SPATA13: variants seen among roughly 807,000 people sequenced by gnomAD.
SPATA13 encodes spermatogenesis associated 13.
In SPATA13, 50 loss-of-function variants were observed where a neutral mutation model predicts 104.0. The observed-to-expected ratio is 0.48, with a 90% CI of 0.38 to 0.61. SPATA13 has a LOEUF of 0.61. Among genes scored for constraint, SPATA13 ranks in the 20% least tolerant of loss-of-function variants. The pLI, the probability that SPATA13 is intolerant of heterozygous loss-of-function variation, is 0.00. For missense variants in SPATA13, 1,524 were observed against 1,690.6 expected (o/e 0.90, Z 1.73); for synonymous variants, 606 against 667.5 (o/e 0.91, Z 1.42).
At chr13:24,235,627 C>T (rs1443130468) in intron 2 of SPATA13, among the ~76,000 whole-genome samples, 1 of 152,094 alleles carries the variant, frequency 6.6e-6, no homozygotes, top group Non-Finnish European at 1.5e-5. Context: ...TGTGGTGGTG[C>T]AAGCCTGTGG....
chr13:24,119,647 T>C (rs1424845503), intron 3 of SPATA13, among the ~76,000 whole-genome samples: 3 of 152,176 alleles, frequency 2.0e-5, no homozygotes, highest in Admixed American at 6.5e-5. Flanking sequence ...GCAGAGCCCC[T>C]TTGCAAGCTT....
At chr13:24,146,941 T>C (rs1024520594) in intron 3 of SPATA13, among the ~76,000 whole-genome samples, 5 of 152,062 alleles carry the variant, frequency 3.3e-5, no homozygotes, top group Non-Finnish European at 5.9e-5. Flanking sequence ...GATTTTTTTT[T>C]CCTAGAAAAA....
chr13:24,173,217 A>G (rs757943705), intron 1 of SPATA13, among the ~76,000 whole-genome samples: 1 of 152,160 alleles, frequency 6.6e-6, no homozygotes, highest in Non-Finnish European at 1.5e-5. Context: ...AGCTGGGACT[A>G]TAGGCATGTG....
intron 9 of SPATA13, among the ~76,000 whole-genome samples, chr13:24,292,995 CAAAAAAAA>C (rs34221097): frequency 4.2e-5 from 1 of 23,930 alleles, no homozygotes; most frequent in African/African-American, 2.0e-4. Flanking sequence ...GACTTTGTCT[CAAAAAAAA>C]AAAAAAAAAA....
chr13:23,996,245 G>T (rs4770541), intron 2 of SPATA13, among the ~76,000 whole-genome samples: 5,737 of 152,154 alleles, frequency 0.038, 164 homozygotes, highest in Non-Finnish European at 0.059. Flanking sequence ...AGAGTCCGCC[G>T]CCTTGCCTTT....
At chr13:24,008,333 A>C (rs1269326997) in intron 2 of SPATA13, among the ~76,000 whole-genome samples, 1 of 152,222 alleles carries the variant, frequency 6.6e-6, no homozygotes, top group African/African-American at 2.4e-5. Context: ...TCAGAGAAAG[A>C]GAACACCTGC....
intron 3 of SPATA13, among the ~76,000 whole-genome samples, chr13:24,042,714 T>C (rs1458477260): frequency 6.6e-6 from 1 of 152,216 alleles, no homozygotes; most frequent in Admixed American, 6.5e-5. Flanking sequence ...TTGGGAGAGC[T>C]TGATAAAGAC....
At chr13:24,144,735 T>A (rs1881876620) in intron 3 of SPATA13, among the ~76,000 whole-genome samples, 1 of 152,054 alleles carries the variant, frequency 6.6e-6, no homozygotes, top group Admixed American at 6.5e-5. Context: ...GTTGGTGTTT[T>A]CTTGACCAGG....
intron 1 of SPATA13, among the ~76,000 whole-genome samples, chr13:24,221,597 G>A (rs12860170): frequency 0.28 from 43,148 of 151,690 alleles, 6,499 homozygotes; most frequent in East Asian, 0.5. Context: ...GGGAAGGGAT[G>A]GACACAGGTG....
At chr13:24,111,000 T>C (rs1034425833) in intron 3 of SPATA13, among the ~76,000 whole-genome samples, 3 of 152,152 alleles carry the variant, frequency 2.0e-5, no homozygotes, top group Non-Finnish European at 4.4e-5. Context: ...CTCGAACTCC[T>C]GAACTCCAGT....
chr13:23,993,233 G>A (rs2810700), intron 2 of SPATA13, among the ~76,000 whole-genome samples: 55,959 of 152,152 alleles, frequency 0.37, 10,638 homozygotes, highest in Middle Eastern at 0.48. Flanking sequence ...CAGAATCACA[G>A]CTGCTGCCTC....
intron 1 of SPATA13, among the ~76,000 whole-genome samples, chr13:24,169,275 A>G (rs141190231): frequency 3.0e-4 from 45 of 152,278 alleles, no homozygotes; most frequent in East Asian, 2.3e-3. Flanking sequence ...TTGTTATACC[A>G]GGCTGATGTG....
chr13:24,078,011 C>T (rs1327371834), intron 3 of SPATA13, among the ~76,000 whole-genome samples: 2 of 152,058 alleles, frequency 1.3e-5, no homozygotes, highest in Non-Finnish European at 2.9e-5. Flanking sequence ...TCTTGCTCAC[C>T]CCACACTAAC....
At chr13:24,197,593 T>C (rs1870136234) in intron 1 of SPATA13, among the ~76,000 whole-genome samples, 1 of 152,122 alleles carries the variant, frequency 6.6e-6, no homozygotes, top group Admixed American at 6.5e-5. Context: ...GCATCTCTAA[T>C]GAGAAAAAAA....
intron 3 of SPATA13, among the ~76,000 whole-genome samples, chr13:24,094,295 A>G (rs570452870): frequency 6.6e-6 from 1 of 152,242 alleles, no homozygotes; most frequent in African/African-American, 2.4e-5. Context: ...GTTAACATAG[A>G]AAAACCAGGT....
At chr13:24,096,674 CAACTGAGAAATTA>C (rs985293522) in intron 3 of SPATA13, among the ~76,000 whole-genome samples, 1 of 151,740 alleles carries the variant, frequency 6.6e-6, no homozygotes, top group African/African-American at 2.4e-5. Context: ...GTGAGAAATT[CAACTGAGAAATTA>C]GACATGAGGG....
intron 3 of SPATA13, among the ~76,000 whole-genome samples, chr13:24,044,229 CTTTCTTTTTTTTT>C (rs1878044965): frequency 9.5e-6 from 1 of 105,596 alleles, no homozygotes; most frequent in Admixed American, 1.1e-4. Context: ...GTTTTTCTTT[CTTTCTTTTTTTTT>C]TTTTTTTTTG....
At chr13:24,255,558 C>T (rs1382963407) in intron 4 of SPATA13, among the ~76,000 whole-genome samples, 1 of 152,178 alleles carries the variant, frequency 6.6e-6, no homozygotes, top group South Asian at 2.1e-4. Context: ...ACCTTTTTCC[C>T]ATGACAGATG....
At position 24,022,644 on chromosome 13, in the gene SPATA13, A is replaced by C. The variant is rs186498759; in HGVS notation, c.-112+4943A>C. 2.6e-5 allele frequency among the ~76,000 whole-genome samples: 4 copies of C among 152,342 alleles called. 1 individual carries two copies. Among genetic ancestry groups the C allele is most frequent in the East Asian group, 1.9e-4 (1 of 5,178 alleles). On this transcript the variant is annotated intron_variant, in intron 3 of 14. Transcript: ENST00000424834. ...ACCACAATTTTTGAAAACTAAAATA[A>C]GAATTTTTTGGGGCTAAAACAAGAA...
Sources: allele counts gnomAD v4.1 joint callset (sites outside exome capture counted in the v4.1 genomes callset), GRCh38; gene constraint gnomAD v4.1.1; transcripts MANE v1.5; gene names NCBI Gene and HGNC (gene_info 2026-07-23, HGNC 2026-07-21).